PALM2AKAP2: variants seen among roughly 807,000 people sequenced by gnomAD.
PALM2AKAP2 encodes the protein PALM2 and AKAP2 fusion, also known as PALM2-AKAP2 fusion protein.
PALM2AKAP2 carries 37 observed loss-of-function variants against 71.5 expected under a neutral mutation model. The ratio of observed to expected loss-of-function variants is 0.52; its 90% CI spans 0.40 to 0.68. The LOEUF is 0.68. PALM2AKAP2 is among the 30% of genes least tolerant of loss of function. PALM2AKAP2 has a pLI of 0.00. For missense variants in PALM2AKAP2, 1,224 were observed against 1,191.8 expected, an observed-to-expected ratio of 1.03 and a Z score of -0.40; for synonymous variants, 468 against 478.8, an observed-to-expected ratio of 0.98 and a Z score of 0.29.
intron 1 of PALM2AKAP2, among the ~76,000 whole-genome samples, chr9:109,730,654 G>T (rs990214277): frequency 3.1e-4 from 47 of 152,166 alleles, no homozygotes; most frequent in African/African-American, 1.1e-3. Flanking sequence ...AGAAATCAAT[G>T]TGTCTTAGAA....
chr9:110,013,495 A>T (rs1832920759), intron 6 of PALM2AKAP2, among the ~76,000 whole-genome samples: 2 of 152,238 alleles, frequency 1.3e-5, no homozygotes, highest in Admixed American at 1.3e-4. Flanking sequence ...TAATCTATTC[A>T]TGTAGGAGCA....
At chr9:109,888,339 C>T (rs1430551143) in intron 3 of PALM2AKAP2, among the ~76,000 whole-genome samples, 5 of 152,140 alleles carry the variant, frequency 3.3e-5, no homozygotes, top group Non-Finnish European at 7.4e-5. Flanking sequence ...AAACTATACC[C>T]ACCTTGCAGT....
At chr9:110,102,588 C>T (rs1835024849) in intron 1 of PALM2AKAP2, among the ~76,000 whole-genome samples, 3 of 152,084 alleles carry the variant, frequency 2.0e-5, no homozygotes, top group Admixed American at 6.5e-5. Flanking sequence ...TGGACCTCTC[C>T]TCCTCTCCAC....
At chr9:109,664,565 G>A (rs186228067) in intron 1 of PALM2AKAP2, among the ~76,000 whole-genome samples, 9 of 152,204 alleles carry the variant, frequency 5.9e-5, no homozygotes, top group Non-Finnish European at 1.2e-4. Context: ...TCTGCTGTTA[G>A]TCTGATGGGC....
At chr9:109,981,404 G>A (rs1047239545) in intron 6 of PALM2AKAP2, among the ~76,000 whole-genome samples, 2 of 152,196 alleles carry the variant, frequency 1.3e-5, no homozygotes, top group Admixed American at 6.5e-5. Context: ...AGAGAACAGA[G>A]AAGTAGCGGA....
intron 3 of PALM2AKAP2, among the ~76,000 whole-genome samples, chr9:109,901,676 C>T (rs1361572061): frequency 6.6e-6 from 1 of 152,046 alleles, no homozygotes; most frequent in Non-Finnish European, 1.5e-5. Flanking sequence ...TAATAAAGGC[C>T]GTTGTGAGGT....
intron 3 of PALM2AKAP2, among the ~76,000 whole-genome samples, chr9:110,168,120 G>A (rs145020628): frequency 8.2e-4 from 125 of 152,150 alleles, no homozygotes; most frequent in African/African-American, 2.8e-3. Context: ...GCAGAATCAC[G>A]GCTAGTTCAA....
chr9:109,984,352 G>T (rs761496884), intron 6 of PALM2AKAP2, among the ~76,000 whole-genome samples: 1 of 151,926 alleles, frequency 6.6e-6, no homozygotes, highest in Non-Finnish European at 1.5e-5. Flanking sequence ...TAGTATTAAA[G>T]AATTTATGCT....
intron 1 of PALM2AKAP2, among the ~76,000 whole-genome samples, chr9:109,807,599 G>A (rs1827614350): frequency 6.6e-6 from 1 of 150,860 alleles, no homozygotes; most frequent in Non-Finnish European, 1.5e-5. Flanking sequence ...AATATTATGA[G>A]CATGTAATAT....
chr9:109,968,783 C>CACT (rs1428582229), intron 6 of PALM2AKAP2, among the ~76,000 whole-genome samples: 1 of 152,152 alleles, frequency 6.6e-6, no homozygotes, highest in East Asian at 1.9e-4. Context: ...CTTCAAAACT[C>CACT]CCAGTAAGTC....
intron 3 of PALM2AKAP2, among the ~76,000 whole-genome samples, chr9:110,161,451 T>C (rs996347882): frequency 2.0e-5 from 3 of 152,134 alleles, no homozygotes; most frequent in Non-Finnish European, 4.4e-5. Context: ...AACTAAAGGA[T>C]CATTTCAGTT....
At chr9:109,999,907 A>T (rs1391044517) in intron 6 of PALM2AKAP2, among the ~76,000 whole-genome samples, 1 of 151,768 alleles carries the variant, frequency 6.6e-6, no homozygotes, top group Admixed American at 6.6e-5. Context: ...TACTTAGCTT[A>T]CACAAATTTG....
intron 1 of PALM2AKAP2, among the ~76,000 whole-genome samples, chr9:110,081,283 A>AT (rs1834442352): frequency 6.6e-6 from 1 of 152,216 alleles, no homozygotes; most frequent in Non-Finnish European, 1.5e-5. Context: ...GTATCAAAAG[A>AT]TATTTTTTCT....
At chr9:109,893,589 T>C (rs1271062707) in intron 3 of PALM2AKAP2, among the ~76,000 whole-genome samples, 1 of 152,040 alleles carries the variant, frequency 6.6e-6, no homozygotes, top group African/African-American at 2.4e-5. Context: ...GGGATTACAG[T>C]TGTGTGCCAC....
At chr9:109,831,356 T>C (rs1828297205) in intron 1 of PALM2AKAP2, among the ~76,000 whole-genome samples, 1 of 152,156 alleles carries the variant, frequency 6.6e-6, no homozygotes, top group Admixed American at 6.5e-5. Flanking sequence ...TTTCAGCCTC[T>C]CACAGTTCTG....
intron 1 of PALM2AKAP2, among the ~76,000 whole-genome samples, chr9:109,843,140 C>CAAAAAAAAAAAAAA (rs60510582): frequency 1.6e-5 from 1 of 62,844 alleles, no homozygotes; most frequent in Non-Finnish European, 2.7e-5. Flanking sequence ...AACTCGGTCT[C>CAAAAAAAAAAAAAA]AAAAAAAAAA....
intron 3 of PALM2AKAP2, among the ~76,000 whole-genome samples, chr9:109,902,074 C>G (rs1456381289): frequency 6.6e-6 from 1 of 152,144 alleles, no homozygotes; most frequent in Middle Eastern, 3.2e-3. Flanking sequence ...TGAGCAGGAT[C>G]TTATTACAGA....
At chr9:110,095,244 A>AT (rs1834808870) in intron 1 of PALM2AKAP2, among the ~76,000 whole-genome samples, 1 of 152,186 alleles carries the variant, frequency 6.6e-6, no homozygotes, top group Non-Finnish European at 1.5e-5. Flanking sequence ...ACCTCAGAAA[A>AT]TCCCCATGGA....
At chr9:109,844,278 A>G (rs559310286) in intron 1 of PALM2AKAP2, among the ~76,000 whole-genome samples, 1 of 152,346 alleles carries the variant, frequency 6.6e-6, no homozygotes, top group African/African-American at 2.4e-5. Flanking sequence ...ATAAACTAAC[A>G]GTGAAAGTGA....
Sources: allele counts gnomAD v4.1 joint callset (sites outside exome capture counted in the v4.1 genomes callset), GRCh38; gene constraint gnomAD v4.1.1; transcripts MANE v1.5; gene names NCBI Gene and HGNC (gene_info 2026-07-23, HGNC 2026-07-21).